CA10: variants seen among roughly 807,000 people sequenced by gnomAD.
CA10 encodes carbonic anhydrase 10 (inactive), also known as carbonic anhydrase-related protein 10.
In CA10, 14 loss-of-function variants were observed where a neutral mutation model predicts 44.2. That is an observed-to-expected ratio of 0.32 (90% CI 0.21 to 0.50). The LOEUF is 0.50. CA10 is among the 20% of genes least tolerant of loss of function. The pLI is 0.99. For missense variants in CA10, 350 were observed against 409.7 expected, an observed-to-expected ratio of 0.85 and a Z score of 1.26; for synonymous variants, 159 against 141.6, an observed-to-expected ratio of 1.12 and a Z score of -0.87.
chr17:51,773,017 AT>A (rs1201557783), intron 3 of CA10, among the ~76,000 whole-genome samples: 1 of 152,134 alleles, frequency 6.6e-6, no homozygotes, highest in Non-Finnish European at 1.5e-5. Flanking sequence ...CCAGCAAGTG[AT>A]CCCTACCACC....
At chr17:51,928,907 T>C (rs1377679485) in intron 3 of CA10, among the ~76,000 whole-genome samples, 1 of 152,192 alleles carries the variant, frequency 6.6e-6, no homozygotes, top group Non-Finnish European at 1.5e-5. Flanking sequence ...TATATTTTAT[T>C]TTCTACCTTT....
At chr17:51,994,261 TTC>T (rs1491528476) in intron 2 of CA10, among the ~76,000 whole-genome samples, 2 of 152,170 alleles carry the variant, frequency 1.3e-5, no homozygotes, top group Admixed American at 1.3e-4. Flanking sequence ...AAGAGTTTTT[TTC>T]CCCCTATGAC....
rs566511183 is a variant in CA10 at position 52,158,219 on chromosome 17, C to A, written c.-433G>T. 15 of 252,172 alleles carry A rather than the reference C, an allele frequency of 5.9e-5. No individual in the cohort carries two copies. Among genetic ancestry groups the A allele is most frequent in the Admixed American group, 4.1e-4 (8 of 19,404 alleles). The allele number at this position is 252,172 out of a possible 1,614,324, so 15.6% of individuals were successfully genotyped here. ...CAAGAAGACATAGACGATAGCCCCC[C>A]GCCGGGCTGCGCCGTGCAATTCCGG... On this transcript the variant is annotated 5_prime_UTR_variant, in exon 1 of 9. Coordinates refer to ENST00000451037, the MANE Select transcript of CA10 (RefSeq NM_020178.5).
At chr17:51,715,337 C>T (rs574117504) in intron 4 of CA10, among the ~76,000 whole-genome samples, 15 of 151,682 alleles carry the variant, frequency 9.9e-5, no homozygotes, top group Non-Finnish European at 1.8e-4. Flanking sequence ...TGCACATGTA[C>T]CCTAAAACTT....
At chr17:51,724,586 G>A (rs1431596495) in intron 4 of CA10, among the ~76,000 whole-genome samples, 2 of 152,088 alleles carry the variant, frequency 1.3e-5, no homozygotes, top group African/African-American at 2.4e-5. Flanking sequence ...TTGTTGGGGT[G>A]GAAAACGGTG....
intron 4 of CA10, among the ~76,000 whole-genome samples, chr17:51,680,789 C>T (rs1914819434): frequency 6.6e-6 from 1 of 152,048 alleles, no homozygotes; most frequent in African/African-American, 2.4e-5. Flanking sequence ...GTAGAATGAC[C>T]ATAGGTTGAG....
At chr17:52,005,003 T>C (rs1428597871) in intron 2 of CA10, among the ~76,000 whole-genome samples, 1 of 151,798 alleles carries the variant, frequency 6.6e-6, no homozygotes, top group African/African-American at 2.4e-5. Context: ...AACAAAGACT[T>C]AAGAAATAAG....
intron 4 of CA10, among the ~76,000 whole-genome samples, chr17:51,699,731 C>G (rs1915526717): frequency 6.6e-6 from 1 of 152,168 alleles, no homozygotes. Context: ...CATTGCTGAT[C>G]TTGTTACAAT....
chr17:51,997,018 G>A (rs575236852), intron 2 of CA10, among the ~76,000 whole-genome samples: 287 of 152,112 alleles, frequency 1.9e-3, no homozygotes, highest in Non-Finnish European at 3.5e-3. Flanking sequence ...GAGCTTCTAG[G>A]TGACAGATAT....
chr17:51,995,535 A>G (rs562958799), intron 2 of CA10, among the ~76,000 whole-genome samples: 1 of 152,034 alleles, frequency 6.6e-6, no homozygotes, highest in Non-Finnish European at 1.5e-5. Context: ...CCACTTTAAC[A>G]TTTTCCTGAA....
In CA10 at chr17:51,711,604, T is replaced by G. The variant is rs375149279; in HGVS notation, c.465+36029A>C. Among the ~76,000 whole-genome samples the G allele has an allele frequency of 3.6e-4, 55 of 152,280 alleles. 1 individual carries two copies. The highest frequency in any genetic ancestry group is 1.3e-3 in the African/African-American group (53 of 41,558). ...CCTGCGATGGAGAGTCTAGTTCAAG[T>G]GTTTTCCTGAGGATATGGTCCCCAG... On this transcript the variant is annotated intron_variant, in intron 4 of 8. Transcript: ENST00000451037.
chr17:51,766,941 C>T (rs1420053881), intron 3 of CA10, among the ~76,000 whole-genome samples: 1 of 152,184 alleles, frequency 6.6e-6, no homozygotes, highest in Non-Finnish European at 1.5e-5. Flanking sequence ...TGCCCGTTAG[C>T]TTGCTCCATC....
At chr17:51,963,197 C>T (rs1983955608) in intron 2 of CA10, among the ~76,000 whole-genome samples, 1 of 151,950 alleles carries the variant, frequency 6.6e-6, no homozygotes, top group Admixed American at 6.5e-5. Context: ...TTTGAACTAA[C>T]CCAGTCAGAC....
At chr17:51,910,813 C>A (rs1303818882) in intron 3 of CA10, among the ~76,000 whole-genome samples, 1 of 152,160 alleles carries the variant, frequency 6.6e-6, no homozygotes, top group Non-Finnish European at 1.5e-5. Context: ...ATGCCAACAG[C>A]AATTCCCCCA....
At chr17:51,894,272 C>G (rs1490872214) in intron 3 of CA10, among the ~76,000 whole-genome samples, 2 of 152,052 alleles carry the variant, frequency 1.3e-5, no homozygotes, top group Non-Finnish European at 2.9e-5. Flanking sequence ...AAAGAGCTGT[C>G]CCGTTCAAAA....
At chr17:51,923,367 T>C (rs544981645) in intron 3 of CA10, among the ~76,000 whole-genome samples, 4 of 152,282 alleles carry the variant, frequency 2.6e-5, no homozygotes, top group African/African-American at 9.6e-5. Flanking sequence ...TCCTACCTCT[T>C]CCATAAAGTC....
chr17:52,033,799 C>A (rs755614367), intron 2 of CA10, among the ~76,000 whole-genome samples: 20 of 152,130 alleles, frequency 1.3e-4, no homozygotes, highest in Non-Finnish European at 2.1e-4. Flanking sequence ...GAAAATATCT[C>A]TTTTGATCAA....
At position 51,640,209 on chromosome 17, in the gene CA10, C is replaced by T. The variant is rs79216460; in HGVS notation, c.635-4200G>A. Among the ~76,000 whole-genome samples the T allele has an allele frequency of 6.6e-3, 1,008 of 152,220 alleles. 11 individuals carry two copies. Among genetic ancestry groups the T allele is most frequent in the African/African-American group, 0.023 (938 of 41,524 alleles). Reference sequence around the variant, plus strand: ...TACTGGGTGTTTAGTAAACACTGCTCGAATGAACAAATGAAATGGTTTCTG... The same window carrying T: ...TACTGGGTGTTTAGTAAACACTGCTTGAATGAACAAATGAAATGGTTTCTG... On this transcript the variant is annotated intron_variant, in intron 6 of 8. Transcript: ENST00000451037.
At chr17:51,991,691 C>A (rs1023828089) in intron 2 of CA10, among the ~76,000 whole-genome samples, 1 of 152,066 alleles carries the variant, frequency 6.6e-6, no homozygotes, top group Non-Finnish European at 1.5e-5. Flanking sequence ...TGCCTGTAAT[C>A]CCAGTTACTT....
Sources: allele counts gnomAD v4.1 joint callset (sites outside exome capture counted in the v4.1 genomes callset), GRCh38; gene constraint gnomAD v4.1.1; transcripts MANE v1.5; gene names NCBI Gene and HGNC (gene_info 2026-07-23, HGNC 2026-07-21).